The following PTPRR variants were observed in gnomAD, a reference collection of about 807,000 sequenced individuals.
The protein encoded by PTPRR is receptor-type tyrosine-protein phosphatase R.
PTPRR carries 38 observed loss-of-function variants against 77.2 expected under a neutral mutation model. That is an observed-to-expected ratio of 0.49 (90% confidence interval 0.38 to 0.65). PTPRR has a LOEUF of 0.65. Among genes scored for constraint, PTPRR ranks in the 30% least tolerant of loss-of-function variants. The probability of loss-of-function intolerance (pLI) is 0.00; values close to 1 mark genes in which losing one functional copy is unlikely to be tolerated. For missense variants in PTPRR, 744 were observed against 799.2 expected (o/e 0.93, Z 0.83); for synonymous variants, 299 against 283.1 (o/e 1.06, Z -0.57).
intron 6 of PTPRR, among the ~76,000 whole-genome samples, chr12:70,745,582 G>T (rs1320477463): frequency 6.6e-6 from 1 of 152,084 alleles, no homozygotes; most frequent in African/African-American, 2.4e-5. Flanking sequence ...AACTTTGCTT[G>T]GATCTATACC....
chr12:70,663,519 C>T (rs995166338), intron 10 of PTPRR, among the ~76,000 whole-genome samples: 28 of 142,750 alleles, frequency 2.0e-4, no homozygotes, highest in African/African-American at 6.6e-4. Flanking sequence ...AGGTTTTTGG[C>T]CCAAAGTGAT....
chr12:70,914,415 G>A (rs1893744383), intron 1 of PTPRR, among the ~76,000 whole-genome samples: 1 of 152,164 alleles, frequency 6.6e-6, no homozygotes, highest in Non-Finnish European at 1.5e-5. Flanking sequence ...TTGATAGGAG[G>A]TCATCACAAG....
chr12:70,788,462 A>G (rs1891367041), intron 2 of PTPRR, among the ~76,000 whole-genome samples: 1 of 152,212 alleles, frequency 6.6e-6, no homozygotes, highest in Non-Finnish European at 1.5e-5. Context: ...ACCACACTAA[A>G]CAAAACAAAG....
At chr12:70,795,913 ATTTTTTTTTTTTT>A (rs71437157) in intron 2 of PTPRR, among the ~76,000 whole-genome samples, 4 of 88,390 alleles carry the variant, frequency 4.5e-5, no homozygotes, top group Non-Finnish European at 6.6e-5. Context: ...TATTTAGTAG[ATTTTTTTTTTTTT>A]TTTTTTTTTT....
intron 2 of PTPRR, among the ~76,000 whole-genome samples, chr12:70,834,594 C>G (rs1369880707): frequency 1.3e-5 from 2 of 152,098 alleles, no homozygotes; most frequent in East Asian, 3.8e-4. Context: ...GTGGTTCAAA[C>G]TACTAGAGTT....
chr12:70,850,521 T>C (rs1374176056), intron 2 of PTPRR, among the ~76,000 whole-genome samples: 1 of 152,182 alleles, frequency 6.6e-6, no homozygotes, highest in Non-Finnish European at 1.5e-5. Flanking sequence ...GATTTCTATA[T>C]CTAAATCACA....
At chr12:70,780,392 T>C (rs957953006) in intron 2 of PTPRR, among the ~76,000 whole-genome samples, 2 of 152,160 alleles carry the variant, frequency 1.3e-5, no homozygotes, top group African/African-American at 4.8e-5. Context: ...CTTGGTAATT[T>C]GAGAGTTTTA....
At chr12:70,890,167 A>G (rs1893310377) in intron 2 of PTPRR, among the ~76,000 whole-genome samples, 2 of 152,178 alleles carry the variant, frequency 1.3e-5, no homozygotes, top group Admixed American at 6.5e-5. Context: ...TTACCATAGT[A>G]CTGACCTTGA....
At chr12:70,754,384 A>G in intron 4 of PTPRR, 83 bp from the exon 5 acceptor site, 1 of 1,587,720 alleles carries the variant, frequency 6.3e-7, no homozygotes. Context: ...ACATATTTTT[A>G]GCCTTATTCC....
intron 2 of PTPRR, among the ~76,000 whole-genome samples, chr12:70,824,305 T>C (rs947100228): frequency 1.3e-5 from 2 of 152,194 alleles, no homozygotes; most frequent in African/African-American, 4.8e-5. Flanking sequence ...CAAATACTTT[T>C]CTTTTTTGGT....
intron 3 of PTPRR, 123 bp downstream of exon 3, chr12:70,764,542 T>C: frequency 1.4e-6 from 1 of 738,756 alleles, no homozygotes; most frequent in South Asian, 1.7e-5. Context: ...AAATTTTATT[T>C]GCAAAAACAT....
Position 70,670,124 on chromosome 12 carries a change from TAAGTC to T in PTPRR, c.1498-7524_1498-7520del, listed in dbSNP as rs1457660367. 9.2e-5 allele frequency among the ~76,000 whole-genome samples: 14 copies of T among 152,334 alleles called. No individual in the cohort carries two copies. The East Asian group carries it at 1.4e-3, about 15-fold the overall frequency. On this transcript the variant is annotated intron_variant, in intron 10 of 13. Coordinates refer to ENST00000283228, the MANE Select transcript of PTPRR (RefSeq NM_002849.4). ...TGGGCAAAATGGGGCTTAGAGTACT[TAAGTC>T]AAGTAGTTTAACTCAGATGAAAGAT...
chr12:70,657,290 G>A (rs1473840617), intron 12 of PTPRR, among the ~76,000 whole-genome samples: 1 of 152,132 alleles, frequency 6.6e-6, no homozygotes, highest in Non-Finnish European at 1.5e-5. Flanking sequence ...GGCAGGGAAG[G>A]GGAGTTTTGC....
intron 13 of PTPRR, among the ~76,000 whole-genome samples, chr12:70,644,190 A>C (rs894858957): frequency 5.3e-5 from 8 of 152,244 alleles, no homozygotes; most frequent in Non-Finnish European, 4.4e-5. Context: ...GGTGTTTCCC[A>C]ATGTATGACT....
chr12:70,868,004 A>T (rs1387044051), intron 2 of PTPRR, among the ~76,000 whole-genome samples: 1 of 152,194 alleles, frequency 6.6e-6, no homozygotes, highest in Non-Finnish European at 1.5e-5. Context: ...CTGAAACTCG[A>T]TCCCTTCCTT....
chr12:70,778,812 G>A (rs1891142758), intron 2 of PTPRR, among the ~76,000 whole-genome samples: 1 of 152,042 alleles, frequency 6.6e-6, no homozygotes, highest in Non-Finnish European at 1.5e-5. Flanking sequence ...CAAAACTTGT[G>A]TTTATAGTTT....
At chr12:70,642,173 C>T (rs1004125963) in intron 13 of PTPRR, among the ~76,000 whole-genome samples, 1 of 151,928 alleles carries the variant, frequency 6.6e-6, no homozygotes, top group Non-Finnish European at 1.5e-5. Context: ...CTACATGGTG[C>T]CTGGTTCTCG....
intron 6 of PTPRR, among the ~76,000 whole-genome samples, chr12:70,732,242 T>C (rs1483222894): frequency 6.6e-6 from 1 of 152,234 alleles, no homozygotes; most frequent in African/African-American, 2.4e-5. Context: ...AACTTTTTTT[T>C]CTTAGAAACC....
At chr12:70,734,376 C>T (rs1443478901) in intron 6 of PTPRR, among the ~76,000 whole-genome samples, 1 of 152,188 alleles carries the variant, frequency 6.6e-6, no homozygotes, top group Non-Finnish European at 1.5e-5. Context: ...GCACACCCTA[C>T]TGAATTGCCA....
Sources: gnomAD v4.1 joint callset for allele counts (sites outside exome capture counted in the v4.1 genomes callset) on GRCh38, gnomAD v4.1.1 for gene constraint, MANE v1.5 for transcripts, NCBI Gene and HGNC (gene_info 2026-07-23, HGNC 2026-07-21) for gene names.